Variants in AGBL1 observed in about 807,000 individuals in gnomAD.
AGBL1 encodes cytosolic carboxypeptidase 4.
A neutral mutation model predicts 118.9 loss-of-function variants in AGBL1; 130 were observed. The observed-to-expected ratio is 1.09, with a 90% confidence interval of 0.95 to 1.26. AGBL1 has a LOEUF of 1.26. AGBL1 is among the 50% of genes most tolerant of loss of function. AGBL1 has a pLI of 0.00. For missense variants in AGBL1, 1,584 were observed against 1,298.1 expected (o/e 1.22, Z -3.38); for synonymous variants, 555 against 478.9 (o/e 1.16, Z -2.08).
chr15:86,217,831 G>T (rs1261716648), intron 5 of AGBL1, among the ~76,000 whole-genome samples: 1 of 144,520 alleles, frequency 6.9e-6, no homozygotes, highest in Non-Finnish European at 1.5e-5. Flanking sequence ...CCTGGTCCAT[G>T]TTTCAGATTT....
At chr15:86,393,293 G>A (rs547116823) in intron 17 of AGBL1, among the ~76,000 whole-genome samples, 2 of 152,244 alleles carry the variant, frequency 1.3e-5, no homozygotes, top group East Asian at 1.9e-4. Flanking sequence ...AATGTACTGC[G>A]TTGTACTAGG....
At chr15:86,430,230 CTTAGGCCTGTAATCCCAGCAG>C (rs1322651151) in intron 18 of AGBL1, among the ~76,000 whole-genome samples, 2 of 152,136 alleles carry the variant, frequency 1.3e-5, no homozygotes, top group Non-Finnish European at 2.9e-5. Context: ...GGCATGGTGG[CTTAGGCCTGTAATCCCAGCAG>C]TTTGGGAGGC....
chr15:86,235,130 G>A (rs1439616258), intron 6 of AGBL1, among the ~76,000 whole-genome samples: 1 of 152,146 alleles, frequency 6.6e-6, no homozygotes, highest in Non-Finnish European at 1.5e-5. Flanking sequence ...CGGGCTGTGG[G>A]CAATTTGCTG....
chr15:86,846,910 T>TA (rs1413844435), intron 22 of AGBL1, among the ~76,000 whole-genome samples: 1 of 152,220 alleles, frequency 6.6e-6, no homozygotes, highest in Admixed American at 6.5e-5. Context: ...CTGAGTCTTC[T>TA]AAAATGTATG....
chr15:86,446,162 T>C (rs1567264914), intron 18 of AGBL1, among the ~76,000 whole-genome samples: 1 of 152,080 alleles, frequency 6.6e-6, no homozygotes, highest in Non-Finnish European at 1.5e-5. Flanking sequence ...CTAAAGTGAG[T>C]CCCTCCAGCA....
At chr15:86,393,802 C>G (rs2081322701) in intron 17 of AGBL1, among the ~76,000 whole-genome samples, 1 of 152,018 alleles carries the variant, frequency 6.6e-6, no homozygotes, top group Admixed American at 6.6e-5. Context: ...AATCCTAATT[C>G]CCAAAGTGAT....
chr15:86,635,454 G>C (rs2085067577), intron 21 of AGBL1, among the ~76,000 whole-genome samples: 1 of 151,606 alleles, frequency 6.6e-6, no homozygotes, highest in Middle Eastern at 3.4e-3. Context: ...GATTCAGGTT[G>C]CTGTGGAGGT....
intron 5 of AGBL1, among the ~76,000 whole-genome samples, chr15:86,215,520 G>T (rs999603159): frequency 4.6e-5 from 7 of 152,014 alleles, no homozygotes; most frequent in Non-Finnish European, 1.0e-4. Flanking sequence ...CTCCAAAAAA[G>T]CTCGCTAGTG....
intron 22 of AGBL1, among the ~76,000 whole-genome samples, chr15:86,818,739 G>A (rs2078899610): frequency 6.6e-6 from 1 of 152,196 alleles, no homozygotes; most frequent in African/African-American, 2.4e-5. Flanking sequence ...TTGCAGGCCA[G>A]TAGTACAACA....
At chr15:86,091,235 T>C (rs1339026889) in intron 1 of AGBL1, among the ~76,000 whole-genome samples, 1 of 151,986 alleles carries the variant, frequency 6.6e-6, no homozygotes, top group East Asian at 1.9e-4. Flanking sequence ...TGCCAGGGAG[T>C]GGAAAGTAGT....
chr15:86,116,522 A>G (rs1363784442), intron 1 of AGBL1: 4 of 152,248 alleles, frequency 2.6e-5, no homozygotes, highest in African/African-American at 9.6e-5. Flanking sequence ...GTGGGTGGGC[A>G]TAGTCTAATC....
chr15:86,678,531 G>C (rs973866530), intron 22 of AGBL1, among the ~76,000 whole-genome samples: 1 of 151,854 alleles, frequency 6.6e-6, no homozygotes, highest in Non-Finnish European at 1.5e-5. Context: ...TAATTTCTGT[G>C]TTAAAGGTAC....
intron 20 of AGBL1, among the ~76,000 whole-genome samples, chr15:86,550,197 A>G (rs2083645847): frequency 6.6e-6 from 1 of 152,134 alleles, no homozygotes. Flanking sequence ...AGATATAATG[A>G]GAGAAGAAGA....
downstream of AGBL1, among the ~76,000 whole-genome samples, chr15:86,916,818 G>A (rs555493674): frequency 1.3e-5 from 2 of 152,324 alleles, no homozygotes; most frequent in East Asian, 1.9e-4. Context: ...AAGAGGCAGC[G>A]TGAGGTGGCT....
At chr15:86,593,811 T>C (rs1328422190) in intron 21 of AGBL1, among the ~76,000 whole-genome samples, 1 of 152,230 alleles carries the variant, frequency 6.6e-6, no homozygotes, top group Non-Finnish European at 1.5e-5. Flanking sequence ...TACTGCAGAT[T>C]ATATTTTTCA....
chr15:86,705,409 C>T (rs565254965), intron 22 of AGBL1, among the ~76,000 whole-genome samples: 16 of 152,150 alleles, frequency 1.1e-4, no homozygotes, highest in African/African-American at 3.6e-4. Flanking sequence ...TTTGTGTTTC[C>T]TCACTTGGAC....
At chr15:86,865,589 C>T (rs2079615655) in intron 22 of AGBL1, among the ~76,000 whole-genome samples, 1 of 152,208 alleles carries the variant, frequency 6.6e-6, no homozygotes, top group Non-Finnish European at 1.5e-5. Flanking sequence ...GTTTCATTTT[C>T]TTAACTCAGT....
At chr15:87,007,865 G>A (rs1450192381) in intron 24 of AGBL1, among the ~76,000 whole-genome samples, 3 of 152,136 alleles carry the variant, frequency 2.0e-5, no homozygotes, top group African/African-American at 7.2e-5. Flanking sequence ...AATGTATATG[G>A]CAATTCCTTG....
intron 22 of AGBL1, among the ~76,000 whole-genome samples, chr15:86,817,461 GATACACACAC>G (rs2078875807): frequency 1.6e-5 from 1 of 61,348 alleles, no homozygotes. Flanking sequence ...GTCTCTGAGA[GATACACACAC>G]ACACACACAC....
Sources: allele counts gnomAD v4.1 joint callset (sites outside exome capture counted in the v4.1 genomes callset), GRCh38; gene constraint gnomAD v4.1.1; transcripts MANE v1.5; gene names NCBI Gene and HGNC (gene_info 2026-07-23, HGNC 2026-07-21).